The following ASXL3 variants were observed in gnomAD, a reference collection of about 807,000 sequenced individuals.
The protein encoded by ASXL3 is ASXL transcriptional regulator 3, also known as putative Polycomb group protein ASXL3.
A neutral mutation model predicts 170.6 loss-of-function variants in ASXL3; 34 were observed. The ratio of observed to expected loss-of-function variants is 0.20; its 90% CI spans 0.15 to 0.27. The LOEUF is 0.27. Among genes scored for constraint, ASXL3 ranks in the 10% least tolerant of loss-of-function variants. The probability of loss-of-function intolerance (pLI) is 1.00; values close to 1 mark genes in which losing one functional copy is unlikely to be tolerated. For missense variants in ASXL3, 2,592 were observed against 2,695.3 expected (o/e 0.96, Z 0.85); for synonymous variants, 1,002 against 989.1 (o/e 1.01, Z -0.24).
rs770935265 is a variant in ASXL3, at chr18:33,739,164, G to A, written c.1760G>A (p.Gly587Glu). Residue 587 changes from glycine to glutamate, a missense_variant, in exon 11 of 12, where the codon GGA (glycine) becomes GAA (glutamate). This residue lies in a region of ASXL3 where 2,246 missense variants were observed against 2,219.6 expected (regional missense o/e 1.01). Transcript: ENST00000269197. ...CTAGAAGGCCAGTTTCCAAATGAAG[G>A]AATTGCTATAGATATGGAGCTACAG... ...SSLEGQFPNE[G>E]IAIDMELQSD... 6.2e-7 allele frequency: 1 copy of A among 1,613,734 alleles called. No homozygotes were observed. The highest frequency in any genetic ancestry group is 1.1e-5 in the South Asian group (1 of 91,056).
chr18:33,648,987 G>A (rs1325663019), intron 4 of ASXL3, among the ~76,000 whole-genome samples: 1 of 152,076 alleles, frequency 6.6e-6, no homozygotes, highest in Non-Finnish European at 1.5e-5. Context: ...CTTGAATAAG[G>A]TGGGTTCAAG....
Position 33,746,708 on chromosome 18 carries a change from G to A in ASXL3, c.*113G>A, listed in dbSNP as rs1035978410. 5.4e-5 allele frequency: 79 copies of A among 1,458,528 alleles called. No individual in the cohort carries two copies. The highest frequency in any genetic ancestry group is 1.4e-5 in the Non-Finnish European group (16 of 1,108,350). The allele number at this position is 1,458,528 out of a possible 1,614,324, so 90.3% of individuals were successfully genotyped here. ...TATCATGCTAATTTATTTTGCTTTG[G>A]AGCAGGTACCTTTCCTCTATGGCAT... On this transcript the variant is annotated 3_prime_UTR_variant, in exon 12 of 12. Coordinates refer to ENST00000269197, the MANE Select transcript of ASXL3 (RefSeq NM_030632.3).
intron 2 of ASXL3, among the ~76,000 whole-genome samples, chr18:33,639,427 A>G (rs1364875866): frequency 6.6e-6 from 1 of 152,110 alleles, no homozygotes; most frequent in Non-Finnish European, 1.5e-5. Context: ...ATGTCATGGC[A>G]TGTGTAATTG....
intron 6 of ASXL3, among the ~76,000 whole-genome samples, chr18:33,671,155 G>A (rs972419291): frequency 6.6e-6 from 1 of 152,122 alleles, no homozygotes; most frequent in Non-Finnish European, 1.5e-5. Flanking sequence ...TTCTCTGTGA[G>A]TGTGAATTTG....
intron 2 of ASXL3, among the ~76,000 whole-genome samples, chr18:33,626,362 A>T (rs1781808500): frequency 1.3e-5 from 2 of 152,078 alleles, no homozygotes; most frequent in African/African-American, 4.8e-5. Context: ...ATCAGTCTTG[A>T]GCTCTTTGAT....
intron 10 of ASXL3, among the ~76,000 whole-genome samples, chr18:33,737,404 T>G (rs1456076910): frequency 6.6e-6 from 1 of 152,186 alleles, no homozygotes; most frequent in Non-Finnish European, 1.5e-5. Flanking sequence ...CCTGCTTATC[T>G]TTCTCATTGC....
At chr18:33,733,221 C>T (rs2067481687) in intron 9 of ASXL3, among the ~76,000 whole-genome samples, 2 of 152,110 alleles carry the variant, frequency 1.3e-5, no homozygotes, top group South Asian at 4.1e-4. Context: ...ACTCCTTCCC[C>T]AGTGTTTTAT....
intron 11 of ASXL3, among the ~76,000 whole-genome samples, chr18:33,742,241 G>A (rs536388464): frequency 1.8e-3 from 278 of 152,252 alleles, no homozygotes; most frequent in African/African-American, 6.3e-3. Context: ...GAAATAACTA[G>A]TCCCATTTTA....
At position 33,693,683 on chromosome 18, in the gene ASXL3, T is replaced by G. The variant is rs566348065; in HGVS notation, c.879+10115T>G. 2.0e-5 allele frequency among the ~76,000 whole-genome samples: 3 copies of G among 152,268 alleles called. No individual in the cohort carries two copies. In the South Asian group the frequency reaches 6.2e-4, roughly 32 times the overall value. On this transcript the variant is annotated intron_variant, in intron 8 of 11. Transcript: ENST00000269197. ...GGGCACATTTGAGAAGAGATGGCAG[T>G]GGACAAATAGTTGGTCTATTTATGT...
intron 8 of ASXL3, among the ~76,000 whole-genome samples, chr18:33,701,645 C>T (rs973675294): frequency 6.6e-6 from 1 of 151,962 alleles, no homozygotes; most frequent in Admixed American, 6.6e-5. Context: ...TCCTTTTTCT[C>T]TTGCTGTTTT....
At chr18:33,642,778 C>T (rs2065864695) in intron 2 of ASXL3, among the ~76,000 whole-genome samples, 1 of 151,892 alleles carries the variant, frequency 6.6e-6, no homozygotes, top group South Asian at 2.1e-4. Flanking sequence ...CATTAAATTG[C>T]TATTTAATAG....
intron 1 of ASXL3, among the ~76,000 whole-genome samples, chr18:33,589,854 A>G (rs2065062792): frequency 6.6e-6 from 1 of 152,122 alleles, no homozygotes; most frequent in Non-Finnish European, 1.5e-5. Flanking sequence ...GCTGAACTAA[A>G]CTTGTTATAT....
rs773195068 is a variant in ASXL3, at chr18:33,746,412, G to A, written c.6564G>A (p.Leu2188=). Residue 2188 remains leucine (L), a synonymous_variant, in exon 12 of 12, where the codon TTG becomes TTA. Transcript: ENST00000269197. ...GTGGCTCCAATCCTGCCACAGGCTT[G>A]TCTGGTCAGAACGCTCAGATGCCCG... ...LGSGSNPATG[L]SGQNAQMPVQ... is the part of the protein sequence containing the mutation. 1 of 1,613,856 alleles carries A rather than the reference G, an allele frequency of 6.2e-7. No homozygotes were observed. Among genetic ancestry groups the A allele is most frequent in the South Asian group, 1.1e-5 (1 of 91,082 alleles).
chr18:33,708,539 C>A (rs980521346), intron 8 of ASXL3, among the ~76,000 whole-genome samples: 1 of 152,026 alleles, frequency 6.6e-6, no homozygotes, highest in Admixed American at 6.6e-5. Context: ...TATATAACAC[C>A]CTCTCCCATC....
intron 1 of ASXL3, among the ~76,000 whole-genome samples, chr18:33,590,282 C>T (rs2065067536): frequency 6.6e-6 from 1 of 151,842 alleles, no homozygotes; most frequent in African/African-American, 2.4e-5. Flanking sequence ...CTCCCCAGGC[C>T]ATATCTCTCT....
Position 33,667,592 on chromosome 18 carries a change from T to C in ASXL3, c.478-3081T>C, listed in dbSNP as rs545854147. Among the ~76,000 whole-genome samples the C allele has an allele frequency of 3.9e-5, 6 of 152,286 alleles. No homozygotes were observed. In the East Asian group the frequency reaches 1.2e-3, roughly 29 times the overall value. On this transcript the variant is annotated intron_variant, in intron 5 of 11. Transcript: ENST00000269197. ...GGATGTGATACTATTTTTTTACTTA[T>C]TGGAGACTCCACAATTTTCACGCAA...
Position 33,740,325 on chromosome 18 carries a change from T to C in ASXL3, c.2921T>C (p.Ile974Thr), listed in dbSNP as rs2067640582. Residue 974 changes from isoleucine to threonine, a missense_variant, in exon 11 of 12, where the codon ATC (isoleucine) becomes ACC (threonine). Around this residue, in one of 4 missense-constraint regions of ASXL3, gnomAD observed 2,246 missense variants for 2,219.6 expected, o/e 1.01. Coordinates refer to ENST00000269197, the MANE Select transcript of ASXL3 (RefSeq NM_030632.3). ...ACTGCAGAGCAACACAGCTTTGGAA[T>C]CTGTAAGGAAAAGAGAGCTAGGATA... Reference protein sequence around the residue: ...RKTAEQHSFGICKEKRARIED... With the variant: ...RKTAEQHSFGTCKEKRARIED... 3.1e-6 allele frequency: 5 copies of C among 1,611,290 alleles called. No individual in the cohort carries two copies. The highest frequency in any genetic ancestry group is 4.2e-6 in the Non-Finnish European group (5 of 1,178,632).
intron 2 of ASXL3, among the ~76,000 whole-genome samples, chr18:33,629,102 C>G (rs562736918): frequency 6.6e-6 from 1 of 152,198 alleles, no homozygotes; most frequent in South Asian, 2.1e-4. Flanking sequence ...ACAATCCCCC[C>G]ACACGCCAAA....
intron 10 of ASXL3, among the ~76,000 whole-genome samples, chr18:33,735,356 A>G (rs571454445): frequency 6.6e-6 from 1 of 152,288 alleles, no homozygotes; most frequent in East Asian, 1.9e-4. Flanking sequence ...AGAGTATGCT[A>G]CCCTTCATGA....
Sources: allele counts gnomAD v4.1 joint callset (sites outside exome capture counted in the v4.1 genomes callset), GRCh38; gene constraint gnomAD v4.1.1; regional missense constraint gnomAD v4.1.1; transcripts MANE v1.5; gene names NCBI Gene and HGNC (gene_info 2026-07-23, HGNC 2026-07-21).